The following MYEF2 variants were observed in gnomAD, a reference collection of about 807,000 sequenced individuals.
MYEF2 encodes myelin expression factor 2.
In MYEF2, 37 loss-of-function variants were observed where a neutral mutation model predicts 75.2. The ratio of observed to expected loss-of-function variants is 0.49; its 90% confidence interval spans 0.38 to 0.65. The LOEUF (loss-of-function observed/expected upper bound fraction) is 0.65, where lower values mean the gene tolerates loss of function less well. MYEF2 is among the 30% of genes least tolerant of loss of function. The pLI is 0.00. For missense variants in MYEF2, 634 were observed against 771.4 expected, an observed-to-expected ratio of 0.82 and a Z score of 2.11; for synonymous variants, 195 against 241.6, an observed-to-expected ratio of 0.81 and a Z score of 1.79.
intron 5 of MYEF2, among the ~76,000 whole-genome samples, chr15:48,160,005 T>C (rs141479889): frequency 8.7e-4 from 133 of 152,206 alleles, no homozygotes; most frequent in African/African-American, 3.1e-3. Flanking sequence ...TCCAGAGATG[T>C]CAGTTAATTT....
At chr15:48,151,801 G>A in intron 12 of MYEF2, 73 bp downstream of exon 12, 1 of 1,530,512 alleles carries the variant, frequency 6.5e-7, no homozygotes, top group Non-Finnish European at 9.1e-7. Context: ...ACATTCCTAA[G>A]TTATAGGGGG....
In MYEF2 at chr15:48,134,789, T is replaced by C. The variant is rs1464779192; in HGVS notation, c.*8119A>G. ...AGCAATATGCAAAAGATAACAATATTTAACTACAAATATATAAACAATTTT... is the reference window on the plus strand; with the variant it reads ...AGCAATATGCAAAAGATAACAATATCTAACTACAAATATATAAACAATTTT... On this transcript the variant is annotated 3_prime_UTR_variant, in exon 17 of 17. Transcript: ENST00000324324. 3 of 1,009,200 alleles carry C rather than the reference T, an allele frequency of 3.0e-6. No individual in the cohort carries two copies. Among genetic ancestry groups the C allele is most frequent in the Admixed American group, 5.0e-5 (2 of 40,190 alleles). 62.5% of individuals were successfully genotyped at this position (1,009,200 alleles called of 1,614,324 possible).
intron 8 of MYEF2, 22 bp from the exon 9 acceptor site, chr15:48,158,078 A>C: frequency 6.2e-7 from 1 of 1,612,588 alleles, no homozygotes; most frequent in South Asian, 1.1e-5. Context: ...AAAGTTTATA[A>C]TATGGTTAAC....
intron 10 of MYEF2, 176 bp from the exon 11 acceptor site, chr15:48,152,460 ATG>A: frequency 2.0e-6 from 1 of 510,996 alleles, no homozygotes; most frequent in East Asian, 3.2e-5. Flanking sequence ...CTGTCTAATC[ATG>A]AATCTTCAAA....
rs77679659 is a variant in MYEF2 at position 48,135,711 on chromosome 15, A to G, written c.*7197T>C. ...CTCCAGAGGACACCAGAAAAATATG[A>G]AAAAAAAAAAATGTAATGGTGTCCA... On this transcript the variant is annotated 3_prime_UTR_variant, in exon 17 of 17. Coordinates refer to ENST00000324324, the MANE Select transcript of MYEF2 (RefSeq NM_016132.5). The G allele has an allele frequency of 8.9e-6, 1 of 112,392 alleles. No individual in the cohort carries two copies. The highest frequency in any genetic ancestry group is 1.5e-5 in the Non-Finnish European group (1 of 64,948). The allele number at this position is 112,392 out of a possible 1,614,324, so 7.0% of individuals were successfully genotyped here. A position where few individuals can be genotyped will look rare whatever the true frequency, so the allele number is the denominator to read the frequency against.
At chr15:48,177,183 AAAGT>A (rs2140954576) in intron 1 of MYEF2, among the ~76,000 whole-genome samples, 1 of 152,330 alleles carries the variant, frequency 6.6e-6, no homozygotes, top group South Asian at 2.1e-4. Flanking sequence ...TAGGCATATG[AAAGT>A]AAGCGCTTAA....
At position 48,141,294 on chromosome 15, in the gene MYEF2, T is replaced by C; in HGVS notation, c.*1614A>G. 1 of 1,211,844 alleles carries C rather than the reference T, an allele frequency of 8.3e-7. No individual in the cohort carries two copies. Among genetic ancestry groups the C allele is most frequent in the East Asian group, 2.4e-5 (1 of 41,758 alleles). 75.1% of individuals were successfully genotyped at this position (1,211,844 alleles called of 1,614,324 possible). ...AAAAGTAGCTTTAAAAATGTTTACT[T>C]CCAGCCGGGTGTGGTGGCTCGCGCC... On this transcript the variant is annotated 3_prime_UTR_variant, in exon 17 of 17. Transcript: ENST00000324324.
Position 48,135,921 on chromosome 15 carries a change from G to A in MYEF2, c.*6987C>T, listed in dbSNP as rs2038887389. On this transcript the variant is annotated 3_prime_UTR_variant, in exon 17 of 17. Transcript: ENST00000324324. ...TGTCTGTAAGGGATAGTGACTGTGA[G>A]AGTATCCAAGCTAATTCTTCCTCCA... The A allele has an allele frequency of 6.6e-6, 1 of 152,096 alleles. No homozygotes were observed. Among genetic ancestry groups the A allele is most frequent in the African/African-American group, 2.4e-5 (1 of 41,428 alleles). 9.4% of individuals were successfully genotyped at this position (152,096 alleles called of 1,614,324 possible).
chr15:48,155,130 T>C (rs916505032), intron 9 of MYEF2, among the ~76,000 whole-genome samples: 2 of 151,920 alleles, frequency 1.3e-5, no homozygotes, highest in African/African-American at 4.8e-5. Context: ...TGAAAAAAAC[T>C]ATCAAAGTGA....
chr15:48,156,721 G>C (rs1249743175), intron 9 of MYEF2, among the ~76,000 whole-genome samples: 1 of 151,684 alleles, frequency 6.6e-6, no homozygotes, highest in East Asian at 1.9e-4. Context: ...GGTATCAGCA[G>C]TTAAAATGAA....
At position 48,139,987 on chromosome 15, in the gene MYEF2, T is replaced by C. The variant is rs1233595192; in HGVS notation, c.*2921A>G. ...CAGCCTGCAAAGCCTAAATAATTACTATCTGGCCCCTCACAGACACAAAAA... is the reference window on the plus strand; with the variant it reads ...CAGCCTGCAAAGCCTAAATAATTACCATCTGGCCCCTCACAGACACAAAAA... On this transcript the variant is annotated 3_prime_UTR_variant, in exon 17 of 17. Transcript: ENST00000324324. 1 of 152,076 alleles carries C rather than the reference T, an allele frequency of 6.6e-6. No homozygotes were observed. The highest frequency in any genetic ancestry group is 1.5e-5 in the Non-Finnish European group (1 of 67,972). 9.4% of individuals were successfully genotyped at this position (152,076 alleles called of 1,614,324 possible).
chr15:48,146,558 C>G (rs1385222608), intron 16 of MYEF2, among the ~76,000 whole-genome samples: 2 of 151,926 alleles, frequency 1.3e-5, no homozygotes, highest in African/African-American at 4.8e-5. Context: ...ATTACTCCAT[C>G]AAGAACAGTT....
chr15:48,135,218 G>GACCA lies in MYEF2; in HGVS notation c.*7686_*7689dup, dbSNP rs2038868057. 1 of 341,068 alleles carries GACCA rather than the reference G, an allele frequency of 2.9e-6. No individual in the cohort carries two copies. Among genetic ancestry groups the GACCA allele is most frequent in the African/African-American group, 2.1e-5 (1 of 47,524 alleles). 21.1% of individuals were successfully genotyped at this position (341,068 alleles called of 1,614,324 possible). On this transcript the variant is annotated 3_prime_UTR_variant, in exon 17 of 17. Transcript: ENST00000324324. ...CTTTTTTCTCTCACTAGTCACTGGA[G>GACCA]ACCACCACTTTTCCTTCTCCCCACT...
chr15:48,175,618 A>G (rs1334469648), intron 1 of MYEF2, among the ~76,000 whole-genome samples: 3 of 152,114 alleles, frequency 2.0e-5, no homozygotes, highest in Non-Finnish European at 2.9e-5. Context: ...AAGCTGGGGG[A>G]AACAGTTCTA....
In MYEF2 at chr15:48,134,652, A is replaced by C; in HGVS notation, c.*8256T>G. The C allele has an allele frequency of 1.3e-6, 1 of 794,592 alleles. No homozygotes were observed. The highest frequency in any genetic ancestry group is 2.0e-6 in the Non-Finnish European group (1 of 495,672). 49.2% of individuals were successfully genotyped at this position (794,592 alleles called of 1,614,324 possible). A position where few individuals can be genotyped will look rare whatever the true frequency, so the allele number is the denominator to read the frequency against. On this transcript the variant is annotated 3_prime_UTR_variant, in exon 17 of 17. Transcript: ENST00000324324. ...AATAATATGTGCAATCAAATTTATT[A>C]ATCAGTAGAAAAACAACATGTATTC... is the stretch of plus-strand genomic sequence containing the variant.
chr15:48,140,828 C>T lies in MYEF2; in HGVS notation c.*2080G>A. 1 of 320,696 alleles carries T rather than the reference C, an allele frequency of 3.1e-6. No individual in the cohort carries two copies. The highest frequency in any genetic ancestry group is 7.2e-5 in the East Asian group (1 of 13,942). The allele number at this position is 320,696 out of a possible 1,614,324, so 19.9% of individuals were successfully genotyped here. A position where few individuals can be genotyped will look rare whatever the true frequency, so the allele number is the denominator to read the frequency against. ...CTGATGAGATAATGGTGGACATAAACATCTTTTGTAAGAATATCAAACAGG... is the reference window on the plus strand; with the variant it reads ...CTGATGAGATAATGGTGGACATAAATATCTTTTGTAAGAATATCAAACAGG... On this transcript the variant is annotated 3_prime_UTR_variant, in exon 17 of 17. Transcript: ENST00000324324.
chr15:48,136,787 G>A lies in MYEF2; in HGVS notation c.*6121C>T. The A allele has an allele frequency of 6.2e-7, 1 of 1,613,772 alleles. No individual in the cohort carries two copies. The highest frequency in any genetic ancestry group is 1.3e-5 in the African/African-American group (1 of 75,030). Reference sequence around the variant, plus strand: ...ATTATAAAGAAATGCAGTCCTTGCTGCGCCTGTCTTGCCAAAGCTATGGAG... The same window carrying A: ...ATTATAAAGAAATGCAGTCCTTGCTACGCCTGTCTTGCCAAAGCTATGGAG... On this transcript the variant is annotated 3_prime_UTR_variant, in exon 17 of 17. Coordinates refer to ENST00000324324, the MANE Select transcript of MYEF2 (RefSeq NM_016132.5).
rs753272095 is a variant in MYEF2, at chr15:48,142,884, G to A, written c.*24C>T. 6.3e-7 allele frequency: 1 copy of A among 1,578,354 alleles called. No homozygotes were observed. The highest frequency in any genetic ancestry group is 2.4e-5 in the East Asian group (1 of 41,956). ...AGGAGATTCAGCAAAACAGATGTAGGAATGTTCCAACCATGGCTTGAAATT... is the reference window on the plus strand; with the variant it reads ...AGGAGATTCAGCAAAACAGATGTAGAAATGTTCCAACCATGGCTTGAAATT... On this transcript the variant is annotated 3_prime_UTR_variant, in exon 17 of 17. Coordinates refer to ENST00000324324, the MANE Select transcript of MYEF2 (RefSeq NM_016132.5).
chr15:48,137,048 G>C lies in MYEF2; in HGVS notation c.*5860C>G. ...CATTTCAATTCAGCAAGTATTGTGT[G>C]CTTTTTATGTAAAAAAGACTGTGAA... On this transcript the variant is annotated 3_prime_UTR_variant, in exon 17 of 17. Coordinates refer to ENST00000324324, the MANE Select transcript of MYEF2 (RefSeq NM_016132.5). The C allele has an allele frequency of 7.1e-7, 1 of 1,403,988 alleles. No individual in the cohort carries two copies. The highest frequency in any genetic ancestry group is 9.6e-7 in the Non-Finnish European group (1 of 1,045,916). The allele number at this position is 1,403,988 out of a possible 1,614,324, so 87.0% of individuals were successfully genotyped here.
Sources: allele counts gnomAD v4.1 joint callset (sites outside exome capture counted in the v4.1 genomes callset), GRCh38; gene constraint gnomAD v4.1.1; transcripts MANE v1.5; gene names NCBI Gene and HGNC (gene_info 2026-07-23, HGNC 2026-07-21).